ADAM12: variants seen among roughly 807,000 people sequenced by gnomAD.
ADAM12 encodes the protein ADAM metallopeptidase domain 12, also known as disintegrin and metalloproteinase domain-containing protein 12.
Under a neutral mutation model 106.4 loss-of-function variants are expected in ADAM12, and 70 were observed. The observed-to-expected ratio is 0.66, with a 90% confidence interval of 0.54 to 0.80. The LOEUF (loss-of-function observed/expected upper bound fraction) is 0.80. Among genes scored for constraint, ADAM12 ranks in the 30% least tolerant of loss-of-function variants. The pLI is 0.00. For synonymous variants in ADAM12, 420 were observed against 433.5 expected, an observed-to-expected ratio of 0.97 and a Z score of 0.39; for missense variants, 1,010 against 1,171.9, an observed-to-expected ratio of 0.86 and a Z score of 2.02.
intron 14 of ADAM12, among the ~76,000 whole-genome samples, chr10:126,054,643 G>A (rs891256008): frequency 6.6e-6 from 1 of 152,206 alleles, no homozygotes; most frequent in Non-Finnish European, 1.5e-5. Flanking sequence ...CTTGGAACTC[G>A]GGCTGATCTG....
At chr10:126,047,980 A>G (rs1954372867) in intron 16 of ADAM12, among the ~76,000 whole-genome samples, 1 of 152,242 alleles carries the variant, frequency 6.6e-6, no homozygotes, top group Non-Finnish European at 1.5e-5. Flanking sequence ...GAATGAGATC[A>G]TGTCCTTTGC....
intron 8 of ADAM12, among the ~76,000 whole-genome samples, chr10:126,106,977 G>A (rs1321085832): frequency 6.6e-6 from 1 of 152,178 alleles, no homozygotes; most frequent in Non-Finnish European, 1.5e-5. Flanking sequence ...GGGGCCTTGA[G>A]CACCGTGAAT....
At chr10:126,193,894 G>GAAATAAAATAAAATA (rs1357187347) in intron 3 of ADAM12, among the ~76,000 whole-genome samples, 5 of 124,478 alleles carry the variant, frequency 4.0e-5, no homozygotes, top group African/African-American at 1.8e-4. Flanking sequence ...TCTGTCTCAT[G>GAAATAAAATAAAATA]AAATAAAATG....
At chr10:126,211,624 T>A (rs1957902531) in intron 3 of ADAM12, among the ~76,000 whole-genome samples, 1 of 151,884 alleles carries the variant, frequency 6.6e-6, no homozygotes, top group Non-Finnish European at 1.5e-5. Context: ...CTCTACCTCT[T>A]GAACCATGTG....
chr10:126,201,568 G>A (rs984880636), intron 3 of ADAM12, among the ~76,000 whole-genome samples: 5 of 152,104 alleles, frequency 3.3e-5, no homozygotes, highest in South Asian at 2.1e-4. Context: ...CCAGAGCTGC[G>A]AGAGACCGAG....
At chr10:126,376,208 A>G (rs1309513612) in intron 1 of ADAM12, among the ~76,000 whole-genome samples, 1 of 152,254 alleles carries the variant, frequency 6.6e-6, no homozygotes, top group Non-Finnish European at 1.5e-5. Context: ...ACAAACTATT[A>G]GAATAAAAAT....
At chr10:126,282,820 C>T (rs1321081337) in intron 2 of ADAM12, among the ~76,000 whole-genome samples, 3 of 152,112 alleles carry the variant, frequency 2.0e-5, no homozygotes, top group Non-Finnish European at 4.4e-5. Context: ...AACATTTTTG[C>T]CACCAGTGGC....
intron 1 of ADAM12, among the ~76,000 whole-genome samples, chr10:126,364,726 G>A (rs1379462901): frequency 6.6e-6 from 1 of 151,958 alleles, no homozygotes; most frequent in African/African-American, 2.4e-5. Flanking sequence ...GTGACCAAAG[G>A]ATATGAACTA....
At chr10:126,164,108 A>G (rs1196941760) in intron 3 of ADAM12, among the ~76,000 whole-genome samples, 1 of 152,256 alleles carries the variant, frequency 6.6e-6, no homozygotes, top group African/African-American at 2.4e-5. Flanking sequence ...AATGAGGGAA[A>G]CAGGGAAAGA....
In ADAM12 at chr10:126,159,123, T is replaced by C. The variant is rs370749132; in HGVS notation, c.261-3818A>G. Among the ~76,000 whole-genome samples, 938 of 152,006 alleles carry C rather than the reference T, an allele frequency of 6.2e-3. 19 individuals carry two copies. The South Asian group carries it at 0.08, about 13-fold the overall frequency. ...AGGAGATCGAGACCATTCTGGCTAATACGGTGAAACCCCGTCTCTACTAAA... is the reference window on the plus strand; with the variant it reads ...AGGAGATCGAGACCATTCTGGCTAACACGGTGAAACCCCGTCTCTACTAAA... On this transcript the variant is annotated intron_variant, in intron 3 of 22. Coordinates refer to ENST00000448723, the MANE Select transcript of ADAM12 (RefSeq NM_001288973.2).
intron 2 of ADAM12, among the ~76,000 whole-genome samples, chr10:126,294,669 C>A: frequency 6.6e-6 from 1 of 152,076 alleles, no homozygotes; most frequent in East Asian, 1.9e-4. Context: ...GTCAAGACAG[C>A]TAACAGACGT....
intron 2 of ADAM12, among the ~76,000 whole-genome samples, chr10:126,292,592 T>TCCTCTTCCTCCAC (rs1960202643): frequency 6.6e-6 from 1 of 152,056 alleles, no homozygotes; most frequent in Admixed American, 6.5e-5. Flanking sequence ...TCTTCCTCCA[T>TCCTCTTCCTCCAC]CCCATTCAGT....
At chr10:126,162,164 G>A (rs1413424080) in intron 3 of ADAM12, among the ~76,000 whole-genome samples, 1 of 152,030 alleles carries the variant, frequency 6.6e-6, no homozygotes, top group African/African-American at 2.4e-5. Flanking sequence ...TCCATGACAG[G>A]GACACGCCCA....
chr10:126,299,977 C>G (rs1960550619), intron 2 of ADAM12, among the ~76,000 whole-genome samples: 1 of 152,228 alleles, frequency 6.6e-6, no homozygotes, highest in Non-Finnish European at 1.5e-5. Context: ...ATCCTCATAT[C>G]ACCGTCAGTC....
chr10:126,358,814 T>G (rs1057190036), intron 1 of ADAM12, among the ~76,000 whole-genome samples: 1 of 151,934 alleles, frequency 6.6e-6, no homozygotes, highest in Non-Finnish European at 1.5e-5. Flanking sequence ...GGATACAAAA[T>G]AAACAAAAAA....
intron 2 of ADAM12, among the ~76,000 whole-genome samples, chr10:126,304,980 G>A (rs908908360): frequency 6.6e-6 from 1 of 151,940 alleles, no homozygotes; most frequent in African/African-American, 2.4e-5. Context: ...GACATATAAT[G>A]TATACCTTGG....
intron 4 of ADAM12, among the ~76,000 whole-genome samples, chr10:126,153,213 A>C (rs1004105084): frequency 6.6e-6 from 1 of 152,230 alleles, no homozygotes; most frequent in African/African-American, 2.4e-5. Flanking sequence ...TGAGACTGAC[A>C]ATAATTTTCC....
intron 3 of ADAM12, among the ~76,000 whole-genome samples, chr10:126,185,251 C>A (rs907998005): frequency 2.0e-5 from 3 of 152,204 alleles, no homozygotes; most frequent in Admixed American, 2.0e-4. Context: ...TTGCATCTTT[C>A]AAACATATTT....
Position 126,049,301 on chromosome 10 carries a change from C to G in ADAM12, c.1869G>C (p.Met623Ile), listed in dbSNP as rs1421409851. 6.2e-7 allele frequency: 1 copy of G among 1,614,256 alleles called. No homozygotes were observed. The highest frequency in any genetic ancestry group is 2.2e-5 in the East Asian group (1 of 44,890). The change falls in exon 16 of 23, where the codon ATG becomes ATC. Residue 623 changes from methionine to isoleucine, a missense_variant. Physicochemically the swap from Met to Ile is conservative, Grantham distance 10. This residue lies in a region of ADAM12 where 615 missense variants were observed against 708.5 expected (regional missense o/e 0.87). Coordinates refer to ENST00000448723, the MANE Select transcript of ADAM12 (RefSeq NM_001288973.2). This position sits in a 1 kb window ranked among gnomAD's most constrained non-coding sequence, Gnocchi z 4.4. ...CTGCAAGCACAAGCCCTGGGTCCGG[C>G]ATGTCATCGCCCAAGTACACGTGGG... is the stretch of plus-strand genomic sequence containing the variant. ...RGTHVYLGDD[M>I]PDPGLVLAGT...
Sources: gnomAD v4.1 joint callset for allele counts (sites outside exome capture counted in the v4.1 genomes callset) on GRCh38, gnomAD v4.1.1 for gene constraint, gnomAD v4.1.1 regional missense constraint, Gnocchi (gnomAD v3.1) non-coding constraint, MANE v1.5 for transcripts, NCBI Gene and HGNC (gene_info 2026-07-23, HGNC 2026-07-21) for gene names.